Variants in KARS1 observed in about 807,000 individuals in gnomAD.
The protein encoded by KARS1 is lysine--tRNA ligase.
KARS1 carries 50 observed loss-of-function variants against 63.9 expected under a neutral mutation model. The ratio of observed to expected loss-of-function variants is 0.78; its 90% confidence interval spans 0.62 to 0.99. KARS1 has a LOEUF of 0.99. Among genes scored for constraint, KARS1 ranks in the 50% least tolerant of loss-of-function variants. KARS1 has a pLI of 0.00. For missense variants in KARS1, 816 were observed against 754.5 expected (o/e 1.08, Z -0.95); for synonymous variants, 320 against 264.6 (o/e 1.21, Z -2.03).
At chr16:75,635,572 G>A in intron 6 of KARS1, 108 bp downstream of exon 6, 1 of 1,220,918 alleles carries the variant, frequency 8.2e-7, no homozygotes, top group Non-Finnish European at 1.2e-6. Context: ...TTCTCATTAG[G>A]CATGAAGGAT....
rs191504875 is a variant in KARS1, at chr16:75,645,600, G to A, written c.62+1978C>T. 2.2e-3 allele frequency among the ~76,000 whole-genome samples: 339 copies of A among 152,162 alleles called. 4 individuals carry two copies. Among genetic ancestry groups the A allele is most frequent in the Non-Finnish European group, 2.1e-3 (145 of 67,984 alleles). On this transcript the variant is annotated intron_variant, in intron 1 of 13. Transcript: ENST00000302445. ...GGTGGCTCACGCCTATAATCCTAGC[G>A]CTTTGTGGGGTTGAGGCGGACGGAT... is the stretch of plus-strand genomic sequence containing the variant.
intron 1 of KARS1, 97 bp from the exon 2 acceptor site, chr16:75,641,820 G>A (rs1045089092): frequency 3.1e-6 from 4 of 1,297,978 alleles, no homozygotes; most frequent in Middle Eastern, 1.8e-4. Context: ...TCGCCCAGGA[G>A]AAACGCTCTT....
rs569986008 is a variant in KARS1, at chr16:75,637,055, TA to T, written c.389-509del. The stretch of plus-strand genomic sequence containing the variant: ...ACCAACAATGTCCATTCAAACCAGT[TA>T]AAGACATGCTTTCAGGATCTAGCTT... On this transcript the variant is annotated intron_variant, in intron 3 of 13. Coordinates refer to ENST00000302445, the MANE Select transcript of KARS1 (RefSeq NM_005548.3). Among the ~76,000 whole-genome samples, 10 of 152,062 alleles carry T rather than the reference TA, an allele frequency of 6.6e-5. No individual in the cohort carries two copies. In the East Asian group the frequency reaches 1.9e-3, roughly 30 times the overall value.
chr16:75,640,219 C>G lies in KARS1; in HGVS notation c.353G>C (p.Gly118Ala). The change falls in exon 3 of 14, where the codon GGG (glycine) becomes GCG (alanine). Residue 118 changes from glycine to alanine, a missense_variant. Gly to Ala is a moderately conservative substitution (Grantham distance 60). Transcript: ENST00000302445. ...TAAGGTGATGTCAGTCAGGTGATCC[C>G]CAGGCTGCAGGTGACTATATTTTTG... ...FIQKYSHLQP[G>A]DHLTDITLKV... is the part of the protein sequence containing the mutation. 1.2e-6 allele frequency: 2 copies of G among 1,614,100 alleles called. No individual in the cohort carries two copies. The highest frequency in any genetic ancestry group is 2.2e-5 in the South Asian group (2 of 91,084).
At chr16:75,634,393 A>G in intron 6 of KARS1, 101 bp from the exon 7 acceptor site, 3 of 1,206,386 alleles carry the variant, frequency 2.5e-6, no homozygotes, top group Non-Finnish European at 3.6e-6. Context: ...TATACCCCAA[A>G]CTAAATGTTA....
At chr16:75,634,029 C>A in intron 7 of KARS1, 144 bp downstream of exon 7, 1 of 853,698 alleles carries the variant, frequency 1.2e-6, no homozygotes, top group Non-Finnish European at 2.0e-6. Context: ...AAGTGTTACT[C>A]ACATCCACAC....
chr16:75,642,313 G>A (rs1470159582), intron 1 of KARS1, among the ~76,000 whole-genome samples: 2 of 147,438 alleles, frequency 1.4e-5, no homozygotes, highest in East Asian at 2.1e-4. Flanking sequence ...AGAGATTCTC[G>A]TGCCTCAGCC....
Position 75,631,408 on chromosome 16 carries a change from C to A in KARS1, c.1252+8G>T. ...CTTACAACGGAGGAGTGAGTGTTGT[C>A]ACTTTACCTTCAGTTTCAAAGAGGT... On this transcript the variant is annotated splice_region_variant and intron_variant, in intron 9 of 13. Coordinates refer to ENST00000302445, the MANE Select transcript of KARS1 (RefSeq NM_005548.3). 6.2e-7 allele frequency: 1 copy of A among 1,614,044 alleles called. No individual in the cohort carries two copies. The highest frequency in any genetic ancestry group is 1.1e-5 in the South Asian group (1 of 91,084).
At chr16:75,628,858 G>C in intron 12 of KARS1, 146 bp from the exon 13 acceptor site, 1 of 841,132 alleles carries the variant, frequency 1.2e-6, no homozygotes, top group South Asian at 1.4e-5. Context: ...TCATTTCCTA[G>C]TAACTCCAAG....
chr16:75,644,623 T>A (rs1318711261), intron 1 of KARS1, among the ~76,000 whole-genome samples: 2 of 152,222 alleles, frequency 1.3e-5, no homozygotes, highest in Admixed American at 1.3e-4. Context: ...TAACACTCTC[T>A]GTGCTACAAC....
intron 4 of KARS1, 45 bp downstream of exon 4, chr16:75,636,409 T>C (rs1379562837): frequency 1.6e-6 from 2 of 1,248,794 alleles, no homozygotes; most frequent in East Asian, 4.6e-5. Context: ...GCTGTGTTGC[T>C]CTAGGCCAAC....
At position 75,634,279 on chromosome 16, in the gene KARS1, AT is replaced by A; in HGVS notation, c.808del (p.Met270Ter). 1 of 1,614,106 alleles carries A rather than the reference AT, an allele frequency of 6.2e-7. No homozygotes were observed. Among genetic ancestry groups the A allele is most frequent in the Non-Finnish European group, 8.5e-7 (1 of 1,179,970 alleles). On this transcript the variant is annotated frameshift_variant, in exon 7 of 14. Coordinates refer to ENST00000302445, the MANE Select transcript of KARS1 (RefSeq NM_005548.3). LOFTEE classifies it high-confidence loss of function. ...ELGFLEIETP[M>X]MNIIPGGAVA... ...GGCTCCCCCTGGGATGATGTTCATC[AT>A]GGGAGTTTCAATCTAAAAAAGGCAG...
In KARS1 at chr16:75,627,985, A is replaced by T. The variant is rs549959474; in HGVS notation, c.1704T>A (p.Leu568=). The T allele has an allele frequency of 1.3e-6, 2 of 1,591,612 alleles. No individual in the cohort carries two copies. Among genetic ancestry groups the T allele is most frequent in the South Asian group, 2.2e-5 (2 of 90,658 alleles). The stretch of plus-strand genomic sequence containing the variant: ...CTTCGGGTTTCATGGCAGGAAACAG[A>T]AGTACTTCCTGTGGGAGATAAGAAT... The part of the protein sequence containing the change: ...LTDSNNIKEV[L]LFPAMKPEDK... Residue 568 remains leucine, a synonymous_variant, in exon 14 of 14, where the codon CTT becomes CTA. Coordinates refer to ENST00000302445, the MANE Select transcript of KARS1 (RefSeq NM_005548.3).
intron 3 of KARS1, 54 bp from the exon 4 acceptor site, chr16:75,636,601 G>C: frequency 8.9e-7 from 1 of 1,125,326 alleles, no homozygotes; most frequent in Non-Finnish European, 1.3e-6. Flanking sequence ...TCATTTTATG[G>C]TATCAGTGTC....
In KARS1 at chr16:75,627,839, G is replaced by C. The variant is rs1040629549; in HGVS notation, c.*56C>G. On this transcript the variant is annotated 3_prime_UTR_variant, in exon 14 of 14. Coordinates refer to ENST00000302445, the MANE Select transcript of KARS1 (RefSeq NM_005548.3). Reference sequence around the variant, plus strand: ...ACACAAGAATTCCCTTGCAGACCTTGATCTTTCGCAGAAATGCAAAGACGC... The same window carrying C: ...ACACAAGAATTCCCTTGCAGACCTTCATCTTTCGCAGAAATGCAAAGACGC... The C allele has an allele frequency of 8.2e-6, 8 of 980,658 alleles. No homozygotes were observed. Among genetic ancestry groups the C allele is most frequent in the Non-Finnish European group, 1.3e-5 (8 of 601,974 alleles). 60.7% of individuals were successfully genotyped at this position (980,658 alleles called of 1,614,324 possible). A position where few individuals can be genotyped will look rare whatever the true frequency, so the allele number is the denominator to read the frequency against.
intron 9 of KARS1, 55 bp from the exon 10 acceptor site, chr16:75,631,308 ATG>A (rs1037782218): frequency 1.3e-6 from 2 of 1,586,518 alleles, no homozygotes; most frequent in African/African-American, 2.7e-5. Flanking sequence ...CCAAGTAAAA[ATG>A]TACATAAAGA....
rs745924104 is a variant in KARS1, at chr16:75,640,202, T to C, written c.370A>G (p.Ile124Val). The C allele has an allele frequency of 2.6e-5, 42 of 1,614,058 alleles. No homozygotes were observed. Among genetic ancestry groups the C allele is most frequent in the Non-Finnish European group, 3.5e-5 (41 of 1,180,000 alleles). The stretch of plus-strand genomic sequence containing the variant: ...TTCCTACCTGCCACCTTTAAGGTGA[T>C]GTCAGTCAGGTGATCCCCAGGCTGC... ...HLQPGDHLTD[I>V]TLKVAGRIHA... Residue 124 changes from isoleucine to valine, a missense_variant, in exon 3 of 14, where the codon ATC becomes GTC. Coordinates refer to ENST00000302445, the MANE Select transcript of KARS1 (RefSeq NM_005548.3).
intron 1 of KARS1, among the ~76,000 whole-genome samples, chr16:75,643,026 T>C (rs374155338): frequency 6.6e-6 from 1 of 152,212 alleles, no homozygotes; most frequent in East Asian, 1.9e-4. Flanking sequence ...TCTGGTTAAA[T>C]CACTTGGTAT....
chr16:75,636,502 TAGA>T lies in KARS1; in HGVS notation c.431_433del (p.Phe144del). The T allele has an allele frequency of 6.2e-7, 1 of 1,613,754 alleles. No homozygotes were observed. Among genetic ancestry groups the T allele is most frequent in the Non-Finnish European group, 8.5e-7 (1 of 1,179,684 alleles). On this transcript the variant is annotated inframe_deletion, in exon 4 of 14. Transcript: ENST00000302445. ...CTTCACCCCCTCTCCTCGAAGATCA[TAGA>T]AGATGAGCTTTCCCCCAGAAGCTCT...
Sources: gnomAD v4.1 joint callset for allele counts (sites outside exome capture counted in the v4.1 genomes callset) on GRCh38, gnomAD v4.1.1 for gene constraint, MANE v1.5 for transcripts, NCBI Gene and HGNC (gene_info 2026-07-23, HGNC 2026-07-21) for gene names.